The following NAV2 variants were observed in gnomAD, a reference collection of about 807,000 sequenced individuals.
NAV2 encodes the protein neuron navigator 2.
NAV2 carries 54 observed loss-of-function variants against 223.2 expected under a neutral mutation model. The observed-to-expected ratio is 0.24, with a 90% CI of 0.19 to 0.30. The LOEUF is 0.30. Among genes scored for constraint, NAV2 ranks in the 10% least tolerant of loss-of-function variants. The probability of loss-of-function intolerance (pLI) is 1.00; values close to 1 mark genes in which losing one functional copy is unlikely to be tolerated. For missense variants in NAV2, 2,806 were observed against 3,147.5 expected (o/e 0.89, Z 2.60); for synonymous variants, 1,279 against 1,239.3 (o/e 1.03, Z -0.67).
chr11:19,629,979 C>T (rs2047299266), intron 1 of NAV2, among the ~76,000 whole-genome samples: 2 of 152,106 alleles, frequency 1.3e-5, no homozygotes, highest in African/African-American at 4.8e-5. Context: ...ATTCTGTACC[C>T]TCTGATTTAT....
intron 1 of NAV2, among the ~76,000 whole-genome samples, chr11:19,576,485 C>T (rs1460576833): frequency 6.6e-6 from 1 of 152,082 alleles, no homozygotes. Flanking sequence ...AATTCCACCA[C>T]CCAGAAATAA....
At chr11:19,988,443 A>T (rs2051000209) in intron 11 of NAV2, among the ~76,000 whole-genome samples, 1 of 152,220 alleles carries the variant, frequency 6.6e-6, no homozygotes, top group African/African-American at 2.4e-5. Context: ...AAGACAAAAA[A>T]AACAAATGCT....
chr11:20,110,996 G>C (rs1224671270), intron 36 of NAV2, among the ~76,000 whole-genome samples: 1 of 152,146 alleles, frequency 6.6e-6, no homozygotes, highest in Non-Finnish European at 1.5e-5. Flanking sequence ...GTCATCAGGG[G>C]ATGAGGATGG....
Position 19,592,010 on chromosome 11 carries a change from T to C in NAV2, c.76-240474T>C, listed in dbSNP as rs115260282. On this transcript the variant is annotated intron_variant, in intron 1 of 37. Transcript: ENST00000360655. ...ATCTACAGTTAAGTCCTGACCCCTA[T>C]CACACTTATTGATCTTCCCTCCCAG... is the stretch of plus-strand genomic sequence containing the variant. Among the ~76,000 whole-genome samples, 492 of 152,306 alleles carry C rather than the reference T, an allele frequency of 3.2e-3. 5 individuals are homozygous for C. The highest frequency in any genetic ancestry group is 0.011 in the African/African-American group (468 of 41,572).
chr11:19,363,764 C>A (rs1350032139), intron 1 of NAV2, among the ~76,000 whole-genome samples: 1 of 152,176 alleles, frequency 6.6e-6, no homozygotes, highest in Non-Finnish European at 1.5e-5. Flanking sequence ...TGAAAGTTCC[C>A]AAGACCTTCT....
chr11:20,051,285 A>G lies in NAV2; in HGVS notation c.4437-4A>G, dbSNP rs2057982510. ...TTCTTATTTTTGTTTTAACTTTCCT[A>G]CAGTGACCCGCACCTTGATAGGAAC... On this transcript the variant is annotated splice_region_variant and splice_polypyrimidine_tract_variant and intron_variant, in intron 16 of 37. Coordinates refer to ENST00000349880, the MANE Select transcript of NAV2 (RefSeq NM_145117.5). The G allele has an allele frequency of 1.2e-6, 2 of 1,613,692 alleles. No homozygotes were observed. The highest frequency in any genetic ancestry group is 1.3e-5 in the African/African-American group (1 of 74,958).
At chr11:19,776,494 T>C (rs2056168919) in intron 1 of NAV2, among the ~76,000 whole-genome samples, 1 of 151,648 alleles carries the variant, frequency 6.6e-6, no homozygotes, top group South Asian at 2.1e-4. Flanking sequence ...CCAGGCAAGG[T>C]GTGTTTGGAA....
At chr11:20,001,729 A>T (rs1334072897) in intron 11 of NAV2, among the ~76,000 whole-genome samples, 23 of 147,492 alleles carry the variant, frequency 1.6e-4, no homozygotes, top group Non-Finnish European at 3.4e-4. Context: ...GGGGGACGGA[A>T]AGCATTAGGA....
intron 1 of NAV2, among the ~76,000 whole-genome samples, chr11:19,628,746 C>T (rs565724942): frequency 3.3e-5 from 5 of 152,298 alleles, no homozygotes; most frequent in Middle Eastern, 3.4e-3. Flanking sequence ...TATAAAAATG[C>T]ATACCAGAAA....
intron 1 of NAV2, among the ~76,000 whole-genome samples, chr11:19,754,926 T>C (rs533793904): frequency 3.9e-4 from 59 of 152,278 alleles, no homozygotes; most frequent in African/African-American, 1.4e-3. Flanking sequence ...CTGGCCCTTT[T>C]CTCTCCTGGA....
intron 11 of NAV2, among the ~76,000 whole-genome samples, chr11:20,007,718 C>G (rs574302696): frequency 1.3e-4 from 20 of 152,178 alleles, no homozygotes; most frequent in Non-Finnish European, 1.5e-5. Context: ...TCTATCAAGC[C>G]TGGTGTGTGA....
At chr11:20,082,481 A>T in intron 25 of NAV2, 2 of 1,012,086 alleles carry the variant, frequency 2.0e-6, no homozygotes, top group South Asian at 1.3e-5. Context: ...GTTTATTATT[A>T]GCCATGTTGT....
intron 1 of NAV2, among the ~76,000 whole-genome samples, chr11:19,356,786 A>C (rs2133752530): frequency 6.6e-6 from 1 of 152,320 alleles, no homozygotes; most frequent in African/African-American, 2.4e-5. Flanking sequence ...CAGGGAATAA[A>C]ACGGCCTTCT....
chr11:19,906,941 A>G (rs1007171341), intron 6 of NAV2, among the ~76,000 whole-genome samples: 2 of 152,126 alleles, frequency 1.3e-5, no homozygotes, highest in African/African-American at 4.8e-5. Flanking sequence ...GATGATCCAA[A>G]TGTCAGACTT....
At chr11:20,109,342 T>G (rs542181144) in intron 36 of NAV2, among the ~76,000 whole-genome samples, 2 of 152,336 alleles carry the variant, frequency 1.3e-5, no homozygotes, top group South Asian at 4.1e-4. Flanking sequence ...CCTAAAATCA[T>G]TGGTTAGCAG....
intron 10 of NAV2, among the ~76,000 whole-genome samples, chr11:19,973,635 T>A (rs142975598): frequency 2.1e-4 from 32 of 152,324 alleles, no homozygotes; most frequent in Admixed American, 4.6e-4. Flanking sequence ...ATGTGAATTG[T>A]AGCATTGCCA....
intron 8 of NAV2, 34 bp from the exon 9 acceptor site, chr11:19,946,367 A>G (rs769563756): frequency 4.4e-5 from 69 of 1,578,584 alleles, no homozygotes. Context: ...GGTTGGTCAG[A>G]GAATTAAACT....
At chr11:19,876,173 G>A (rs1467430829) in intron 4 of NAV2, among the ~76,000 whole-genome samples, 16 of 151,978 alleles carry the variant, frequency 1.1e-4, no homozygotes, top group African/African-American at 2.9e-4. Flanking sequence ...CTACAGGCAC[G>A]TGCCACCACA....
At chr11:19,662,225 TTTAC>T (rs1311768091) in intron 1 of NAV2, among the ~76,000 whole-genome samples, 8 of 152,334 alleles carry the variant, frequency 5.3e-5, no homozygotes, top group African/African-American at 1.9e-4. Context: ...AGACTTCTAG[TTTAC>T]CTACCATCAA....
Sources: gnomAD v4.1 joint callset for allele counts (sites outside exome capture counted in the v4.1 genomes callset) on GRCh38, gnomAD v4.1.1 for gene constraint, MANE v1.5 for transcripts, NCBI Gene and HGNC (gene_info 2026-07-23, HGNC 2026-07-21) for gene names.